The following BRMS1L variants were observed in gnomAD, a reference collection of about 807,000 sequenced individuals.
BRMS1L encodes BRMS1 like transcriptional repressor.
A neutral mutation model predicts 50.3 loss-of-function variants in BRMS1L; 23 were observed. That is an observed-to-expected ratio of 0.46 (90% CI 0.33 to 0.65). The LOEUF (loss-of-function observed/expected upper bound fraction) is 0.65. Among genes scored for constraint, BRMS1L ranks in the 30% least tolerant of loss-of-function variants. The probability of loss-of-function intolerance (pLI) is 0.02; values close to 1 mark genes in which losing one functional copy is unlikely to be tolerated. For synonymous variants in BRMS1L, 114 were observed against 126.9 expected (o/e 0.90, Z 0.69); for missense variants, 286 against 386.1 (o/e 0.74, Z 2.17).
chr14:35,861,465 G>C (rs1485380273), intron 4 of BRMS1L, among the ~76,000 whole-genome samples: 1 of 152,078 alleles, frequency 6.6e-6, no homozygotes, highest in African/African-American at 2.4e-5. Flanking sequence ...GAGTTTTGCA[G>C]CACAATATAG....
chr14:35,845,253 A>G (rs1244356966), intron 4 of BRMS1L, among the ~76,000 whole-genome samples: 1 of 152,216 alleles, frequency 6.6e-6, no homozygotes, highest in Non-Finnish European at 1.5e-5. Context: ...GACCTCCAAT[A>G]CAAAGTGAAA....
intron 4 of BRMS1L, among the ~76,000 whole-genome samples, chr14:35,856,038 T>C (rs1033327592): frequency 6.6e-6 from 1 of 152,196 alleles, no homozygotes; most frequent in African/African-American, 2.4e-5. Context: ...TATTCTTTTG[T>C]TCTTACGTTA....
At chr14:35,848,228 T>C (rs1178833806) in intron 4 of BRMS1L, among the ~76,000 whole-genome samples, 1 of 152,250 alleles carries the variant, frequency 6.6e-6, no homozygotes, top group South Asian at 2.1e-4. Context: ...TGTGGAATGA[T>C]TAAGTCGAGT....
At chr14:35,865,861 T>G (rs892030511) in intron 8 of BRMS1L, 100 bp downstream of exon 8, 20 of 1,042,006 alleles carry the variant, frequency 1.9e-5, no homozygotes, top group Non-Finnish European at 2.6e-5. Context: ...AGTGGTTTTA[T>G]TTCATCAGTG....
At chr14:35,849,812 T>C (rs1566422322) in intron 4 of BRMS1L, among the ~76,000 whole-genome samples, 1 of 152,140 alleles carries the variant, frequency 6.6e-6, no homozygotes, top group Non-Finnish European at 1.5e-5. Context: ...GAATATTTTC[T>C]TTCTGTCTTT....
In BRMS1L at chr14:35,860,575, T is replaced by C. The variant is rs75442408; in HGVS notation, c.442-2015T>C. Among the ~76,000 whole-genome samples, 425 of 147,118 alleles carry C rather than the reference T, an allele frequency of 2.9e-3. 12 individuals are homozygous for C. The East Asian group carries it at 0.048, about 17-fold the overall frequency. The stretch of plus-strand genomic sequence containing the variant: ...GCATTTTTTTTATTCCAGTGCAGTA[T>C]GCTTAAAAAAAAAAAAAAAAAACTA... On this transcript the variant is annotated intron_variant, in intron 4 of 9. Transcript: ENST00000216807.
At chr14:35,867,079 A>G (rs1419598353) in intron 8 of BRMS1L, among the ~76,000 whole-genome samples, 1 of 152,142 alleles carries the variant, frequency 6.6e-6, no homozygotes, top group Non-Finnish European at 1.5e-5. Context: ...AAGTGTTCAG[A>G]CAACATTTGT....
chr14:35,870,209 C>T, intron 9 of BRMS1L, 151 bp from the exon 10 acceptor site: 1 of 526,690 alleles, frequency 1.9e-6, no homozygotes, highest in East Asian at 3.2e-5. Context: ...GCAGCATGTA[C>T]TGCTGATATG....
chr14:35,851,374 A>G (rs1173690941), intron 4 of BRMS1L, among the ~76,000 whole-genome samples: 1 of 143,372 alleles, frequency 7.0e-6, no homozygotes, highest in Non-Finnish European at 1.5e-5. Flanking sequence ...TCTAAACAAA[A>G]AAGCATGCCA....
intron 4 of BRMS1L, among the ~76,000 whole-genome samples, chr14:35,852,990 G>GTATCTATT (rs2078231962): frequency 6.7e-6 from 1 of 148,734 alleles, no homozygotes; most frequent in African/African-American, 2.5e-5. Flanking sequence ...CTTTATATCT[G>GTATCTATT]TATCTATCTA....
At chr14:35,835,474 T>G (rs1190385192) in intron 4 of BRMS1L, among the ~76,000 whole-genome samples, 1 of 152,212 alleles carries the variant, frequency 6.6e-6, no homozygotes, top group Non-Finnish European at 1.5e-5. Flanking sequence ...CAGTAGGATA[T>G]AAATAACTCC....
intron 4 of BRMS1L, among the ~76,000 whole-genome samples, chr14:35,847,496 T>C (rs1055563480): frequency 1.3e-5 from 2 of 152,154 alleles, no homozygotes; most frequent in African/African-American, 2.4e-5. Flanking sequence ...AGATAGAGTC[T>C]CACTTTGTTG....
chr14:35,846,935 C>T lies in BRMS1L; in HGVS notation c.441+12012C>T, dbSNP rs1353037593. On this transcript the variant is annotated intron_variant, in intron 4 of 9. Coordinates refer to ENST00000216807, the MANE Select transcript of BRMS1L (RefSeq NM_032352.4). ...TACTGAGGGAAACATGTCAGAATTT[C>T]TGTGATGGTGGATTTGTTTATATTG... Among the ~76,000 whole-genome samples, 6 of 152,004 alleles carry T rather than the reference C, an allele frequency of 3.9e-5. No homozygotes were observed. The East Asian group carries it at 1.2e-3, about 29-fold the overall frequency.
At chr14:35,833,253 T>TA in intron 3 of BRMS1L, 148 bp downstream of exon 3, 1 of 763,074 alleles carries the variant, frequency 1.3e-6, no homozygotes, top group Non-Finnish European at 1.9e-6. Flanking sequence ...AGCCCACAGT[T>TA]ACTGTATTTA....
At chr14:35,833,188 A>C in intron 3 of BRMS1L, 83 bp downstream of exon 3, 1 of 1,365,692 alleles carries the variant, frequency 7.3e-7, no homozygotes. Context: ...TAAGTGTTTT[A>C]TGTTGATGGG....
chr14:35,834,743 G>C (rs1311335235), intron 3 of BRMS1L, 101 bp from the exon 4 acceptor site: 1 of 734,962 alleles, frequency 1.4e-6, no homozygotes. Flanking sequence ...ATTTTTTCTT[G>C]ATCCATCTTA....
intron 8 of BRMS1L, chr14:35,866,004 CAAA>C: frequency 2.3e-6 from 1 of 430,242 alleles, no homozygotes; most frequent in Non-Finnish European, 4.0e-6. Flanking sequence ...ATCAGTAACT[CAAA>C]AAAGTATTTA....
chr14:35,870,382 C>A lies in BRMS1L; in HGVS notation c.877C>A (p.His293Asn). The change falls in exon 10 of 10, where the codon CAT (histidine) becomes AAT (asparagine). Residue 293 changes from histidine (H) to asparagine (N), a missense_variant. By Grantham distance (68) the His-to-Asn change is moderately conservative (BLOSUM62 1). Around this residue, in one of 5 missense-constraint regions of BRMS1L, gnomAD observed 49 missense variants for 39.1 expected, o/e 1.25. Coordinates refer to ENST00000216807, the MANE Select transcript of BRMS1L (RefSeq NM_032352.4). ...TAGTGCTGTAATTACAACAATTAAC[C>A]ATGATGAAGTTTGGTTTAAGAGGCC... is the stretch of plus-strand genomic sequence containing the variant. ...PTSAVITTIN[H>N]DEVWFKRPDG... 1 of 1,598,696 alleles carries A rather than the reference C, an allele frequency of 6.3e-7. No individual in the cohort carries two copies. Among genetic ancestry groups the A allele is most frequent in the East Asian group, 2.3e-5 (1 of 44,230 alleles).
intron 1 of BRMS1L, 174 bp downstream of exon 1, chr14:35,826,832 G>A (rs1035816643): frequency 6.4e-5 from 59 of 917,282 alleles, no homozygotes; most frequent in Non-Finnish European, 8.4e-5. Flanking sequence ...GCGCTGTCTG[G>A]CTCCTGATGG....
Sources: gnomAD v4.1 joint callset for allele counts (sites outside exome capture counted in the v4.1 genomes callset) on GRCh38, gnomAD v4.1.1 for gene constraint, gnomAD v4.1.1 regional missense constraint, MANE v1.5 for transcripts, NCBI Gene and HGNC (gene_info 2026-07-23, HGNC 2026-07-21) for gene names.